Variants in IL23R observed in about 807,000 individuals in gnomAD.
The protein encoded by IL23R is interleukin 23 receptor.
Under a neutral mutation model 56.9 loss-of-function variants are expected in IL23R, and 34 were observed. That is an observed-to-expected ratio of 0.60 (90% CI 0.45 to 0.80). The LOEUF (loss-of-function observed/expected upper bound fraction) is 0.80. Among genes scored for constraint, IL23R ranks in the 30% least tolerant of loss-of-function variants. The pLI is 0.00. For missense variants in IL23R, 635 were observed against 730.0 expected, an observed-to-expected ratio of 0.87 and a Z score of 1.50; for synonymous variants, 230 against 249.2, an observed-to-expected ratio of 0.92 and a Z score of 0.73.
At chr1:67,178,377 G>T (rs1299929496) in intron 3 of IL23R, among the ~76,000 whole-genome samples, 10 of 152,112 alleles carry the variant, frequency 6.6e-5, no homozygotes, top group Non-Finnish European at 1.5e-5. Context: ...TCTCTTTGAA[G>T]CAATTGTGAA....
At chr1:67,211,880 G>T (rs111552541) in intron 6 of IL23R, among the ~76,000 whole-genome samples, 3 of 152,082 alleles carry the variant, frequency 2.0e-5, no homozygotes, top group Non-Finnish European at 4.4e-5. Context: ...GGCAAATAGA[G>T]TAGAAAGAAT....
At chr1:67,223,132 T>C (rs1274252635) in intron 7 of IL23R, among the ~76,000 whole-genome samples, 2 of 152,120 alleles carry the variant, frequency 1.3e-5, no homozygotes, top group Non-Finnish European at 2.9e-5. Flanking sequence ...CAGGTGCCTG[T>C]AATCCCAGCT....
At chr1:67,225,659 A>G (rs769349181) in intron 7 of IL23R, among the ~76,000 whole-genome samples, 8 of 151,822 alleles carry the variant, frequency 5.3e-5, no homozygotes, top group Non-Finnish European at 1.0e-4. Context: ...ACAGACATCC[A>G]CCACACCTGG....
intron 3 of IL23R, among the ~76,000 whole-genome samples, chr1:67,179,204 T>C (rs142885217): frequency 0.021 from 3,205 of 152,228 alleles, 100 homozygotes; most frequent in African/African-American, 0.073. Context: ...ACCAGCTTCT[T>C]CTTGTACCTC....
chr1:67,174,310 C>T (rs1646981906), intron 3 of IL23R, among the ~76,000 whole-genome samples: 1 of 151,284 alleles, frequency 6.6e-6, no homozygotes, highest in Non-Finnish European at 1.5e-5. Flanking sequence ...CACTCCAACA[C>T]TGTGTACTAT....
chr1:67,144,495 T>C (rs1487622740), intron 1 of IL23R, among the ~76,000 whole-genome samples: 1 of 152,248 alleles, frequency 6.6e-6, no homozygotes, highest in African/African-American at 2.4e-5. Flanking sequence ...TCACATGTCT[T>C]CTTAAGCTAC....
intron 10 of IL23R, among the ~76,000 whole-genome samples, chr1:67,256,438 C>A (rs546487736): frequency 6.6e-6 from 1 of 152,248 alleles, no homozygotes; most frequent in Admixed American, 6.5e-5. Flanking sequence ...TCCATTCTGG[C>A]AAAGAGAAGG....
At chr1:67,212,941 TTGGCTCA>T (rs1649593726) in intron 6 of IL23R, among the ~76,000 whole-genome samples, 1 of 152,078 alleles carries the variant, frequency 6.6e-6, no homozygotes, top group Non-Finnish European at 1.5e-5. Flanking sequence ...TGGCGTGATC[TTGGCTCA>T]CTGCAACCTC....
chr1:67,226,453 G>A (rs904400548), intron 7 of IL23R, among the ~76,000 whole-genome samples: 2 of 152,150 alleles, frequency 1.3e-5, no homozygotes, highest in African/African-American at 2.4e-5. Context: ...TCCAGCGGCC[G>A]ATCTCCTCTC....
intron 4 of IL23R, among the ~76,000 whole-genome samples, chr1:67,188,389 G>GGCATT (rs931236318): frequency 3.9e-5 from 6 of 152,156 alleles, no homozygotes; most frequent in African/African-American, 1.4e-4. Context: ...CTGGCAGAAG[G>GGCATT]GCATTGTAAA....
downstream of IL23R, among the ~76,000 whole-genome samples, chr1:67,263,278 T>C (rs1261177407): frequency 1.3e-5 from 2 of 151,674 alleles, no homozygotes; most frequent in Non-Finnish European, 2.9e-5. Flanking sequence ...AGAGACAGAG[T>C]CTCATCATTT....
intron 6 of IL23R, among the ~76,000 whole-genome samples, chr1:67,218,352 G>GTATATA (rs369692194): frequency 1.3e-4 from 13 of 100,370 alleles, no homozygotes; most frequent in East Asian, 3.3e-4. Flanking sequence ...GTGTGTGTGT[G>GTATATA]TGTGTGTATA....
intron 3 of IL23R, among the ~76,000 whole-genome samples, chr1:67,180,597 T>C (rs1340202164): frequency 2.0e-5 from 3 of 152,220 alleles, no homozygotes; most frequent in Non-Finnish European, 2.9e-5. Flanking sequence ...TGTCTTTCAA[T>C]TGGAGCATTT....
chr1:67,233,195 CAAAAAAAAAAAAA>C (rs34125353), intron 7 of IL23R, among the ~76,000 whole-genome samples: 3 of 53,636 alleles, frequency 5.6e-5, no homozygotes, highest in African/African-American at 1.6e-4. Flanking sequence ...CTAAAAATTC[CAAAAAAAAAAAAA>C]AAAAAAAAAA....
intron 3 of IL23R, 139 bp downstream of exon 3, chr1:67,169,777 A>C: frequency 1.2e-6 from 1 of 827,272 alleles, no homozygotes; most frequent in Non-Finnish European, 2.0e-6. Context: ...CTGCAAACTC[A>C]AATGTCTCCA....
At chr1:67,147,533 T>C (rs1460483842) in intron 1 of IL23R, among the ~76,000 whole-genome samples, 1 of 152,020 alleles carries the variant, frequency 6.6e-6, no homozygotes, top group Non-Finnish European at 1.5e-5. Context: ...AGCCTGTCTC[T>C]ATCAAAAACT....
chr1:67,224,431 C>G (rs1309779330), intron 7 of IL23R, among the ~76,000 whole-genome samples: 2 of 152,224 alleles, frequency 1.3e-5, no homozygotes, highest in East Asian at 3.8e-4. Flanking sequence ...GAATTAGTCT[C>G]TAAGATTCTG....
intron 3 of IL23R, among the ~76,000 whole-genome samples, chr1:67,176,439 A>C (rs1351677889): frequency 1.3e-5 from 2 of 150,774 alleles, no homozygotes; most frequent in Admixed American, 6.6e-5. Flanking sequence ...AGAGAACTTC[A>C]TATTTCTTTT....
chr1:67,216,436 T>G (rs561711777), intron 6 of IL23R, among the ~76,000 whole-genome samples: 1 of 152,332 alleles, frequency 6.6e-6, no homozygotes, highest in Non-Finnish European at 1.5e-5. Context: ...GGTGACTCAT[T>G]TCTCTAATTA....
Sources: gnomAD v4.1 joint callset for allele counts (sites outside exome capture counted in the v4.1 genomes callset) on GRCh38, gnomAD v4.1.1 for gene constraint, MANE v1.5 for transcripts, NCBI Gene and HGNC (gene_info 2026-07-23, HGNC 2026-07-21) for gene names.